Variants in ANKH observed in about 807,000 individuals in gnomAD.
The protein encoded by ANKH is ANKH inorganic pyrophosphate transport regulator.
Under a neutral mutation model 49.0 loss-of-function variants are expected in ANKH, and 15 were observed. The observed-to-expected ratio is 0.31, with a 90% CI of 0.20 to 0.47. The LOEUF (loss-of-function observed/expected upper bound fraction) is 0.47, where lower values mean the gene tolerates loss of function less well. Among genes scored for constraint, ANKH ranks in the 20% least tolerant of loss-of-function variants. ANKH has a pLI of 1.00. For missense variants in ANKH, 429 were observed against 652.0 expected (o/e 0.66, Z 3.72); for synonymous variants, 273 against 260.0 (o/e 1.05, Z -0.48).
At chr5:14,721,787 A>G (rs755145401) in intron 8 of ANKH, among the ~76,000 whole-genome samples, 57 of 152,106 alleles carry the variant, frequency 3.7e-4, no homozygotes, top group African/African-American at 9.6e-4. Flanking sequence ...AAAATTAGCC[A>G]GGCATGGTGG....
intron 1 of ANKH, among the ~76,000 whole-genome samples, chr5:14,802,522 G>C (rs922121045): frequency 1.3e-5 from 2 of 151,986 alleles, no homozygotes; most frequent in Non-Finnish European, 2.9e-5. Flanking sequence ...CTGAAGATGC[G>C]GCTCTGACCC....
chr5:14,822,124 T>C (rs969059867), intron 1 of ANKH, among the ~76,000 whole-genome samples: 7 of 152,198 alleles, frequency 4.6e-5, no homozygotes, highest in African/African-American at 1.2e-4. Flanking sequence ...GCAACCTGGA[T>C]AACATGTAGC....
chr5:14,743,290 G>A (rs1281155178), intron 7 of ANKH, among the ~76,000 whole-genome samples: 1 of 152,206 alleles, frequency 6.6e-6, no homozygotes, highest in Admixed American at 6.5e-5. Context: ...GGTACGATGA[G>A]GAGGCCTATG....
chr5:14,708,175 G>T lies in ANKH; in HGVS notation c.*3022C>A, dbSNP rs1243258539. 2 of 152,184 alleles carry T rather than the reference G, an allele frequency of 1.3e-5. No individual in the cohort carries two copies. The allele number at this position is 152,184 out of a possible 1,614,324, so 9.4% of individuals were successfully genotyped here. A position where few individuals can be genotyped will look rare whatever the true frequency, so the allele number is the denominator to read the frequency against. On this transcript the variant is annotated 3_prime_UTR_variant, in exon 12 of 12. Coordinates refer to ENST00000284268, the MANE Select transcript of ANKH (RefSeq NM_054027.6). ...ATGGCAACTGCACATTTAGGATGAC[G>T]TCCCTTGTGCTACTCAAACAGGCCA...
At chr5:14,753,970 T>C (rs1398659329) in intron 4 of ANKH, among the ~76,000 whole-genome samples, 1 of 152,230 alleles carries the variant, frequency 6.6e-6, no homozygotes, top group Non-Finnish European at 1.5e-5. Context: ...AACTTAGGTA[T>C]GTTTTCATAC....
intron 7 of ANKH, among the ~76,000 whole-genome samples, chr5:14,743,206 T>C (rs1223468164): frequency 6.6e-6 from 1 of 152,224 alleles, no homozygotes; most frequent in African/African-American, 2.4e-5. Flanking sequence ...CAAGTCCCAG[T>C]GGTTGGAGAC....
At position 14,802,816 on chromosome 5, in the gene ANKH, T is replaced by C. The variant is rs567599693; in HGVS notation, c.97-33625A>G. ...GGGCTGGGTTAGCTCCCCACCCCCGTTCCTTCTCCCATAGCATGTAAGCTG... is the reference window on the plus strand; with the variant it reads ...GGGCTGGGTTAGCTCCCCACCCCCGCTCCTTCTCCCATAGCATGTAAGCTG... On this transcript the variant is annotated intron_variant, in intron 1 of 11. Coordinates refer to ENST00000284268, the MANE Select transcript of ANKH (RefSeq NM_054027.6). Among the ~76,000 whole-genome samples, 5 of 152,230 alleles carry C rather than the reference T, an allele frequency of 3.3e-5. No individual in the cohort carries two copies. The East Asian group carries it at 9.7e-4, about 29-fold the overall frequency.
intron 1 of ANKH, 175 bp downstream of exon 1, chr5:14,871,177 G>A (rs1389461891): frequency 4.4e-6 from 3 of 684,316 alleles, no homozygotes; most frequent in African/African-American, 1.8e-5. Flanking sequence ...AATAATTGAG[G>A]GGAGGGAGGG....
intron 8 of ANKH, among the ~76,000 whole-genome samples, chr5:14,738,254 C>T (rs551202873): frequency 5.3e-5 from 8 of 152,112 alleles, no homozygotes; most frequent in Non-Finnish European, 1.0e-4. Flanking sequence ...GCAGTGACAC[C>T]GCGGTATTTT....
intron 1 of ANKH, among the ~76,000 whole-genome samples, chr5:14,793,855 A>T (rs1478172457): frequency 6.6e-6 from 1 of 152,174 alleles, no homozygotes; most frequent in African/African-American, 2.4e-5. Flanking sequence ...TTCATTTGCT[A>T]TCACTGCATT....
intron 1 of ANKH, among the ~76,000 whole-genome samples, chr5:14,849,051 C>G (rs557483140): frequency 9.2e-5 from 14 of 152,292 alleles, no homozygotes; most frequent in South Asian, 2.1e-4. Context: ...GTGTGGTCAC[C>G]TTCCCCAGCT....
intron 5 of ANKH, 124 bp from the exon 6 acceptor site, chr5:14,749,430 TA>T (rs1417346679): frequency 2.5e-5 from 28 of 1,111,564 alleles, no homozygotes; most frequent in Non-Finnish European, 6.7e-6. Flanking sequence ...TTGAAAGTAA[TA>T]TAAGGAAAAG....
intron 6 of ANKH, among the ~76,000 whole-genome samples, chr5:14,748,066 C>T (rs972583325): frequency 6.6e-6 from 1 of 152,038 alleles, no homozygotes; most frequent in Admixed American, 6.5e-5. Context: ...TTTCAAATGG[C>T]TCTAATGTAT....
At chr5:14,845,051 T>C (rs1407912509) in intron 1 of ANKH, among the ~76,000 whole-genome samples, 2 of 151,666 alleles carry the variant, frequency 1.3e-5, no homozygotes, top group African/African-American at 2.4e-5. Context: ...AAAGGCCCTT[T>C]TCCTACAACT....
At chr5:14,805,785 T>C (rs1348161580) in intron 1 of ANKH, among the ~76,000 whole-genome samples, 1 of 152,010 alleles carries the variant, frequency 6.6e-6, no homozygotes, top group Admixed American at 6.6e-5. Context: ...TGCAGAGACA[T>C]TCACCTTCCC....
intron 7 of ANKH, 47 bp from the exon 8 acceptor site, chr5:14,741,969 G>T: frequency 6.9e-7 from 1 of 1,444,524 alleles, no homozygotes; most frequent in Non-Finnish European, 9.7e-7. Flanking sequence ...CTTATCCTTG[G>T]CTGAACCCAC....
intron 4 of ANKH, among the ~76,000 whole-genome samples, chr5:14,753,145 G>T (rs1561038959): frequency 6.6e-6 from 1 of 152,226 alleles, no homozygotes; most frequent in Admixed American, 6.5e-5. Context: ...GAGGATGCAG[G>T]GTTGGAAAGT....
At chr5:14,860,787 G>T (rs1254449936) in intron 1 of ANKH, among the ~76,000 whole-genome samples, 3 of 152,070 alleles carry the variant, frequency 2.0e-5, no homozygotes, top group Non-Finnish European at 2.9e-5. Context: ...TTGAGATGGA[G>T]TCTTGCTGTG....
rs1186678502 is a variant in ANKH at position 14,770,172 on chromosome 5, G to C, written c.97-981C>G. ...TAGACTGTTTTTAAGGCAGTTTTAGGTTCACAGTAAAATTGAGCAGAAAGT... is the reference window on the plus strand; with the variant it reads ...TAGACTGTTTTTAAGGCAGTTTTAGCTTCACAGTAAAATTGAGCAGAAAGT... On this transcript the variant is annotated intron_variant, in intron 1 of 11. Coordinates refer to ENST00000284268, the MANE Select transcript of ANKH (RefSeq NM_054027.6). The surrounding 1 kb of genome is among the most constrained non-coding windows in gnomAD (Gnocchi z 4.1). Among the ~76,000 whole-genome samples the C allele has an allele frequency of 1.3e-5, 2 of 152,078 alleles. No individual in the cohort carries two copies. The highest frequency in any genetic ancestry group is 4.8e-5 in the African/African-American group (2 of 41,402).
Sources: gnomAD v4.1 joint callset for allele counts (sites outside exome capture counted in the v4.1 genomes callset) on GRCh38, gnomAD v4.1.1 for gene constraint, Gnocchi (gnomAD v3.1) non-coding constraint, MANE v1.5 for transcripts, NCBI Gene and HGNC (gene_info 2026-07-23, HGNC 2026-07-21) for gene names.